MRAP2: variants seen among roughly 807,000 people sequenced by gnomAD.
MRAP2 encodes the protein melanocortin-2 receptor accessory protein 2.
Under a neutral mutation model 17.4 loss-of-function variants are expected in MRAP2, and 20 were observed. The observed-to-expected ratio is 1.15, with a 90% CI of 0.81 to 1.67. MRAP2 has a LOEUF of 1.67. Among genes scored for constraint, MRAP2 ranks in the 40% most tolerant of loss-of-function variants. The probability of loss-of-function intolerance (pLI) is 0.00; values close to 1 mark genes in which losing one functional copy is unlikely to be tolerated. For synonymous variants in MRAP2, 96 were observed against 88.4 expected, an observed-to-expected ratio of 1.09 and a Z score of -0.48; for missense variants, 238 against 240.0, an observed-to-expected ratio of 0.99 and a Z score of 0.05.
At chr6:84,071,175 C>T (rs957294187) in intron 3 of MRAP2, among the ~76,000 whole-genome samples, 2 of 152,000 alleles carry the variant, frequency 1.3e-5, no homozygotes, top group African/African-American at 4.8e-5. Flanking sequence ...TTCATAGGTC[C>T]TGTGTGATTT....
the MRAP2 span, among the ~76,000 whole-genome samples, chr6:84,131,745 G>T: frequency 6.6e-6 from 1 of 151,986 alleles, no homozygotes. Context: ...GTCTCCACAT[G>T]AGATGGGTCT....
chr6:84,129,912 T>C, the MRAP2 span, among the ~76,000 whole-genome samples: 1 of 151,966 alleles, frequency 6.6e-6, no homozygotes, highest in Non-Finnish European at 1.5e-5. Flanking sequence ...TGAATAGGAG[T>C]GGTGAGAGAG....
Position 84,033,779 on chromosome 6 carries a change from CG to C in MRAP2, c.-110del. 1 of 986,240 alleles carries C rather than the reference CG, an allele frequency of 1.0e-6. No individual in the cohort carries two copies. The highest frequency in any genetic ancestry group is 1.7e-5 in the African/African-American group (1 of 57,246). The allele number at this position is 986,240 out of a possible 1,614,324, so 61.1% of individuals were successfully genotyped here. A position where few individuals can be genotyped will look rare whatever the true frequency, so the allele number is the denominator to read the frequency against. ...ACCTCGGATCTAGGAGCTACTCGCCCGGCCCTGGGCGGTGGGAGGCGGCGGC... is the reference window on the plus strand; with the variant it reads ...ACCTCGGATCTAGGAGCTACTCGCCCGCCCTGGGCGGTGGGAGGCGGCGGC... On this transcript the variant is annotated 5_prime_UTR_variant, in exon 1 of 4. Transcript: ENST00000257776.
chr6:84,055,004 CTCCTT>C (rs985508160), intron 1 of MRAP2, among the ~76,000 whole-genome samples: 59 of 152,308 alleles, frequency 3.9e-4, no homozygotes, highest in African/African-American at 1.3e-3. Flanking sequence ...TACTCTTTCC[CTCCTT>C]TCCTTCTTTC....
chr6:84,075,637 T>G (rs936566180), intron 3 of MRAP2, among the ~76,000 whole-genome samples: 6 of 152,196 alleles, frequency 3.9e-5, no homozygotes, highest in African/African-American at 1.4e-4. Flanking sequence ...GTCACATTTT[T>G]ATGTAGAATA....
At chr6:84,099,139 T>C in the MRAP2 span, among the ~76,000 whole-genome samples, 1 of 151,254 alleles carries the variant, frequency 6.6e-6, no homozygotes, top group South Asian at 2.1e-4. Flanking sequence ...TGGTGTGAGA[T>C]CACCATGATC....
the MRAP2 span, among the ~76,000 whole-genome samples, chr6:84,105,129 GTCT>G: frequency 6.6e-6 from 1 of 152,188 alleles, no homozygotes; most frequent in South Asian, 2.1e-4. Context: ...ACATTTTCCT[GTCT>G]TCTTCTGAGT....
intron 1 of MRAP2, among the ~76,000 whole-genome samples, chr6:84,035,657 C>T (rs997343559): frequency 6.6e-6 from 1 of 152,186 alleles, no homozygotes; most frequent in Non-Finnish European, 1.5e-5. Context: ...GCTGCCTCTG[C>T]GTGAGTGTTC....
At chr6:84,121,951 G>A in the MRAP2 span, among the ~76,000 whole-genome samples, 1 of 151,906 alleles carries the variant, frequency 6.6e-6, no homozygotes, top group African/African-American at 2.4e-5. Context: ...GATCAAAGCA[G>A]AACTAAATGA....
At chr6:84,067,741 T>G (rs952806461) in intron 3 of MRAP2, among the ~76,000 whole-genome samples, 6 of 151,840 alleles carry the variant, frequency 4.0e-5, no homozygotes, top group Admixed American at 6.6e-5. Context: ...TTTTTTTTTT[T>G]TTTTTTCTTA....
At chr6:84,124,901 TG>T in the MRAP2 span, 3 of 631,664 alleles carry the variant, frequency 4.7e-6, no homozygotes, top group Non-Finnish European at 5.5e-6. Flanking sequence ...CACCATTATA[TG>T]TTTTTTTTCT....
intron 1 of MRAP2, among the ~76,000 whole-genome samples, chr6:84,041,418 A>G (rs537958097): frequency 1.5e-4 from 23 of 152,368 alleles, no homozygotes; most frequent in Admixed American, 2.6e-4. Context: ...TCAGTGGGGC[A>G]CTGCCTAGTG....
the MRAP2 span, among the ~76,000 whole-genome samples, chr6:84,105,338 G>A: frequency 3.9e-5 from 6 of 152,186 alleles, no homozygotes; most frequent in Non-Finnish European, 8.8e-5. Context: ...GTTCCACGTG[G>A]CTGGGGAAGC....
At chr6:84,033,914 C>T in intron 1 of MRAP2, 31 bp downstream of exon 1, 9 of 985,998 alleles carry the variant, frequency 9.1e-6, no homozygotes, top group Non-Finnish European at 1.1e-5. Context: ...GCGCCCAGGG[C>T]GGAGCAAAGC....
the MRAP2 span, among the ~76,000 whole-genome samples, chr6:84,111,401 CTCTT>C: frequency 2.6e-5 from 4 of 151,990 alleles, no homozygotes; most frequent in African/African-American, 7.2e-5. Flanking sequence ...ATTTGGCTCT[CTCTT>C]TGTCTATTAT....
At chr6:84,047,744 C>T (rs1359852874) in intron 1 of MRAP2, among the ~76,000 whole-genome samples, 9 of 152,130 alleles carry the variant, frequency 5.9e-5, no homozygotes, top group Admixed American at 3.3e-4. Flanking sequence ...TAGGTTGGTG[C>T]AAAAGTAATC....
At chr6:84,033,755 C>T (rs2099485151), upstream of MRAP2, 1 of 985,712 alleles carries the variant, frequency 1.0e-6, no homozygotes, top group Admixed American at 6.2e-5. Flanking sequence ...CTCCGCCGCA[C>T]CTCGGATCTA....
At chr6:84,073,663 T>C (rs1159335153) in intron 3 of MRAP2, among the ~76,000 whole-genome samples, 1 of 152,202 alleles carries the variant, frequency 6.6e-6, no homozygotes, top group Non-Finnish European at 1.5e-5. Context: ...AGCACGGGGC[T>C]CTGGACTCAA....
intron 3 of MRAP2, among the ~76,000 whole-genome samples, chr6:84,076,864 T>C (rs149518433): frequency 1.9e-4 from 29 of 152,318 alleles, no homozygotes; most frequent in African/African-American, 6.5e-4. Context: ...ATCCAGAGCA[T>C]TACTTGTGTT....
Sources: allele counts gnomAD v4.1 joint callset (sites outside exome capture counted in the v4.1 genomes callset), GRCh38; gene constraint gnomAD v4.1.1; transcripts MANE v1.5; gene names NCBI Gene and HGNC (gene_info 2026-07-23, HGNC 2026-07-21).